The following ARHGEF28 variants were observed in gnomAD, a reference collection of about 807,000 sequenced individuals.
The protein encoded by ARHGEF28 is Rho guanine nucleotide exchange factor 28.
ARHGEF28 carries 152 observed loss-of-function variants against 206.6 expected under a neutral mutation model. The ratio of observed to expected loss-of-function variants is 0.74; its 90% confidence interval spans 0.64 to 0.84. The LOEUF (loss-of-function observed/expected upper bound fraction) is 0.84, where lower values mean the gene tolerates loss of function less well. Among genes scored for constraint, ARHGEF28 ranks in the 40% least tolerant of loss-of-function variants. The pLI, the probability that ARHGEF28 is intolerant of heterozygous loss-of-function variation, is 0.00. For synonymous variants in ARHGEF28, 763 were observed against 776.4 expected, an observed-to-expected ratio of 0.98 and a Z score of 0.29; for missense variants, 2,028 against 2,073.2, an observed-to-expected ratio of 0.98 and a Z score of 0.42.
intron 2 of ARHGEF28, among the ~76,000 whole-genome samples, chr5:73,743,386 C>G (rs1282170196): frequency 1.3e-5 from 2 of 152,024 alleles, no homozygotes. Flanking sequence ...ATTTGCCAGC[C>G]CTTGTTATTC....
intron 2 of ARHGEF28, among the ~76,000 whole-genome samples, chr5:73,724,417 T>C (rs1364601003): frequency 1.3e-5 from 2 of 152,364 alleles, no homozygotes; most frequent in African/African-American, 4.8e-5. Context: ...AGATACTATA[T>C]GCAGTGTGAA....
Position 73,885,998 on chromosome 5 carries a change from G to T in ARHGEF28, c.3204G>T (p.Lys1068Asn), listed in dbSNP as rs774856299. The change falls in exon 25 of 36, where the codon AAG becomes AAT. Residue 1068 changes from lysine (K) to asparagine (N), a missense_variant. Coordinates refer to ENST00000513042, the MANE Select transcript of ARHGEF28 (RefSeq NM_001177693.2). The part of the protein sequence containing the change: ...LNKIENKTYT[K>N]LKNGHVFRKQ... ...AGATTGAAAACAAAACATACACGAAGCTCAAAAATGGACATGTGTTTAGGA... is the reference window on the plus strand; with the variant it reads ...AGATTGAAAACAAAACATACACGAATCTCAAAAATGGACATGTGTTTAGGA... 1 of 1,613,842 alleles carries T rather than the reference G, an allele frequency of 6.2e-7. No individual in the cohort carries two copies. Among genetic ancestry groups the T allele is most frequent in the East Asian group, 2.2e-5 (1 of 44,860 alleles).
In ARHGEF28 at chr5:73,713,672, G is replaced by T. The variant is rs148579558; in HGVS notation, c.33+28788G>T. On this transcript the variant is annotated intron_variant, in intron 2 of 35. Transcript: ENST00000513042. ...TGGTGGGGGGAGGGTAAGCGAGAAA[G>T]GTCACTAAAGGGTAGGCTATTCTGA... 4.4e-3 allele frequency among the ~76,000 whole-genome samples: 676 copies of T among 152,208 alleles called. 5 individuals are homozygous for T. The highest frequency in any genetic ancestry group is 0.016 in the African/African-American group (656 of 41,512).
chr5:73,722,796 C>T (rs914635936), intron 2 of ARHGEF28, among the ~76,000 whole-genome samples: 7 of 151,960 alleles, frequency 4.6e-5, no homozygotes, highest in Non-Finnish European at 1.0e-4. Context: ...ATATCTCTCT[C>T]TATCCATATA....
chr5:73,739,344 C>T (rs1483096470), intron 2 of ARHGEF28, among the ~76,000 whole-genome samples: 2 of 152,128 alleles, frequency 1.3e-5, no homozygotes, highest in African/African-American at 2.4e-5. Flanking sequence ...TAATTGGAAA[C>T]ATATTTCCCA....
chr5:73,937,217 A>G (rs896033998), intron 35 of ARHGEF28, among the ~76,000 whole-genome samples: 3 of 152,228 alleles, frequency 2.0e-5, no homozygotes, highest in African/African-American at 7.2e-5. Flanking sequence ...GCCAGCCAAA[A>G]TGTGGATACC....
At chr5:73,683,304 C>T (rs897996470) in intron 1 of ARHGEF28, among the ~76,000 whole-genome samples, 1 of 152,128 alleles carries the variant, frequency 6.6e-6, no homozygotes, top group Non-Finnish European at 1.5e-5. Flanking sequence ...CTCCAGAACA[C>T]TTTCATCTAT....
At chr5:73,895,588 C>T (rs1282647850) in intron 29 of ARHGEF28, among the ~76,000 whole-genome samples, 1 of 152,178 alleles carries the variant, frequency 6.6e-6, no homozygotes, top group African/African-American at 2.4e-5. Context: ...AACCAGCCAC[C>T]TCCTGAGAGA....
chr5:73,900,057 G>A (rs1444814107), intron 30 of ARHGEF28: 1 of 152,214 alleles, frequency 6.6e-6, no homozygotes, highest in East Asian at 1.9e-4. Flanking sequence ...GTCCCTCATT[G>A]TAAGTGAATA....
chr5:73,852,692 G>T lies in ARHGEF28; in HGVS notation c.1790G>T (p.Arg597Ile). Reference sequence around the variant, plus strand: ...TTATCGGAGCCACCAAGAGAAAACAGGTACTTTTAACTATTCCAATTTTCC... The same window carrying T: ...TTATCGGAGCCACCAAGAGAAAACATGTACTTTTAACTATTCCAATTTTCC... ...YSLSEPPREN[R>I]IQEEEWDKYI... is the part of the protein sequence containing the mutation. The change falls in exon 14 of 36, where the codon AGA (arginine) becomes ATA (isoleucine). Residue 597 changes from arginine to isoleucine, a missense_variant and splice_region_variant. Physicochemically the swap from Arg to Ile is moderately conservative, Grantham distance 97. Coordinates refer to ENST00000513042, the MANE Select transcript of ARHGEF28 (RefSeq NM_001177693.2). The T allele has an allele frequency of 6.2e-7, 1 of 1,613,484 alleles. No homozygotes were observed. The highest frequency in any genetic ancestry group is 8.5e-7 in the Non-Finnish European group (1 of 1,179,564).
At chr5:73,726,006 C>A (rs1470983263) in intron 2 of ARHGEF28, among the ~76,000 whole-genome samples, 1 of 152,164 alleles carries the variant, frequency 6.6e-6, no homozygotes, top group Non-Finnish European at 1.5e-5. Context: ...GTTAAACTAG[C>A]AGTCAAGGTG....
At chr5:73,779,705 C>G (rs1006005548) in intron 6 of ARHGEF28, among the ~76,000 whole-genome samples, 1 of 152,108 alleles carries the variant, frequency 6.6e-6, no homozygotes, top group Admixed American at 6.5e-5. Flanking sequence ...TGGACCTGCC[C>G]TGGTCCAGCC....
chr5:73,883,811 A>G lies in ARHGEF28; in HGVS notation c.2982A>G (p.Glu994=), dbSNP rs772979563. The G allele has an allele frequency of 2.5e-6, 4 of 1,576,792 alleles. No individual in the cohort carries two copies. Among genetic ancestry groups the G allele is most frequent in the Non-Finnish European group, 2.6e-6 (3 of 1,161,078 alleles). Residue 994 remains glutamate, a synonymous_variant, in exon 24 of 36, where the codon GAA becomes GAG. Coordinates refer to ENST00000513042, the MANE Select transcript of ARHGEF28 (RefSeq NM_001177693.2). ...TGGCTCGACGCCGAGGAATTCCAGA[A>G]TGCATTCTGTTGGTCACTCAGCGTA... is the stretch of plus-strand genomic sequence containing the variant. The part of the protein sequence containing the change: ...NLLARRRGIP[E]CILLVTQRIT...
Position 73,941,965 on chromosome 5 carries a change from G to A in ARHGEF28, c.*952G>A, listed in dbSNP as rs1253597248. On this transcript the variant is annotated 3_prime_UTR_variant, in exon 36 of 36. Transcript: ENST00000513042. ...GTTCGGAAATACTTGTATGTATTTT[G>A]GTGTCAATAAATATCTTGTACCTCA... The A allele has an allele frequency of 6.6e-6, 1 of 151,990 alleles. No homozygotes were observed. Among genetic ancestry groups the A allele is most frequent in the Admixed American group, 6.6e-5 (1 of 15,260 alleles). 9.4% of individuals were successfully genotyped at this position (151,990 alleles called of 1,614,324 possible). A position where few individuals can be genotyped will look rare whatever the true frequency, so the allele number is the denominator to read the frequency against.
At chr5:73,626,930 G>C (rs1580415977) in intron 1 of ARHGEF28, among the ~76,000 whole-genome samples, 3 of 152,144 alleles carry the variant, frequency 2.0e-5, no homozygotes, top group Non-Finnish European at 4.4e-5. Flanking sequence ...TTAAATACCC[G>C]GGGTGTATGT....
At chr5:73,837,662 G>C (rs1158548011) in intron 10 of ARHGEF28, among the ~76,000 whole-genome samples, 1 of 151,406 alleles carries the variant, frequency 6.6e-6, no homozygotes, top group Non-Finnish European at 1.5e-5. Context: ...CAAAGATTTG[G>C]TAAATAAAAG....
At chr5:73,914,585 C>A (rs774584959) in intron 35 of ARHGEF28, among the ~76,000 whole-genome samples, 24 of 151,708 alleles carry the variant, frequency 1.6e-4, no homozygotes, top group African/African-American at 5.8e-4. Flanking sequence ...TCAGTAGAGA[C>A]GGAGTTTCGC....
intron 9 of ARHGEF28, among the ~76,000 whole-genome samples, chr5:73,828,696 CTT>C (rs964729831): frequency 2.1e-5 from 3 of 143,124 alleles, no homozygotes; most frequent in Non-Finnish European, 4.6e-5. Flanking sequence ...CTTTCTCTTT[CTT>C]TCTCTCTGTC....
intron 31 of ARHGEF28, 45 bp downstream of exon 31, chr5:73,901,329 A>G (rs755246650): frequency 6.6e-7 from 1 of 1,525,738 alleles, no homozygotes; most frequent in Non-Finnish European, 9.0e-7. Context: ...GTTACTGTGT[A>G]TAATAAAATA....
Sources: gnomAD v4.1 joint callset for allele counts (sites outside exome capture counted in the v4.1 genomes callset) on GRCh38, gnomAD v4.1.1 for gene constraint, MANE v1.5 for transcripts, NCBI Gene and HGNC (gene_info 2026-07-23, HGNC 2026-07-21) for gene names.